The following DOCK7 variants were observed in gnomAD, a reference collection of about 807,000 sequenced individuals.
DOCK7 encodes dedicator of cytokinesis protein 7.
A neutral mutation model predicts 271.0 loss-of-function variants in DOCK7; 138 were observed. The observed-to-expected ratio is 0.51, with a 90% CI of 0.44 to 0.59. The LOEUF (loss-of-function observed/expected upper bound fraction) is 0.59, where lower values mean the gene tolerates loss of function less well. DOCK7 is among the 20% of genes least tolerant of loss of function. DOCK7 has a pLI of 0.00. For missense variants in DOCK7, 2,066 were observed against 2,592.4 expected, an observed-to-expected ratio of 0.80 and a Z score of 4.41; for synonymous variants, 823 against 876.1, an observed-to-expected ratio of 0.94 and a Z score of 1.07.
At chr1:62,538,341 C>T (rs535054501) in intron 27 of DOCK7, among the ~76,000 whole-genome samples, 123 of 152,208 alleles carry the variant, frequency 8.1e-4, no homozygotes, top group African/African-American at 2.8e-3. Context: ...ACAGGGAAAA[C>T]GTATATCACC....
At chr1:62,497,821 TA>T (rs1023392886) in intron 37 of DOCK7, among the ~76,000 whole-genome samples, 4 of 152,272 alleles carry the variant, frequency 2.6e-5, no homozygotes, top group African/African-American at 9.6e-5. Flanking sequence ...AGGATAAAAT[TA>T]AAGAATTCAA....
intron 1 of DOCK7, among the ~76,000 whole-genome samples, chr1:62,684,741 A>G (rs1269905373): frequency 6.6e-6 from 1 of 152,338 alleles, no homozygotes; most frequent in Admixed American, 6.5e-5. Context: ...AAGGGGACAC[A>G]CATGTACAAA....
At chr1:62,471,549 A>G (rs1348005575) in intron 48 of DOCK7, among the ~76,000 whole-genome samples, 1 of 152,114 alleles carries the variant, frequency 6.6e-6, no homozygotes, top group East Asian at 1.9e-4. Context: ...TGCACACCAT[A>G]AGGCTGAGAC....
chr1:62,589,218 C>T (rs1169278975), intron 14 of DOCK7, among the ~76,000 whole-genome samples: 1 of 152,112 alleles, frequency 6.6e-6, no homozygotes, highest in Non-Finnish European at 1.5e-5. Flanking sequence ...CATTACCTGC[C>T]AGTTTGCAAA....
Position 62,577,364 on chromosome 1 carries a change from C to A in DOCK7, c.2011-1G>T. The A allele has an allele frequency of 6.5e-7, 1 of 1,548,846 alleles. No individual in the cohort carries two copies. The highest frequency in any genetic ancestry group is 8.8e-7 in the Non-Finnish European group (1 of 1,141,132). On this transcript the variant is annotated splice_acceptor_variant, in intron 17 of 49. Transcript: ENST00000635253. LOFTEE classifies it high-confidence loss of function. The stretch of plus-strand genomic sequence containing the variant: ...GTCCATTCTGAAGCATTGGTATCCA[C>A]TTTTAAATGAAAAGAAAACAATTTT...
At chr1:62,534,270 G>C (rs1645269536) in intron 29 of DOCK7, among the ~76,000 whole-genome samples, 1 of 151,864 alleles carries the variant, frequency 6.6e-6, no homozygotes, top group Admixed American at 6.6e-5. Flanking sequence ...AAAGTGCTGG[G>C]ATTACAGGTG....
At chr1:62,611,776 GA>G (rs556755376) in intron 14 of DOCK7, among the ~76,000 whole-genome samples, 13 of 150,094 alleles carry the variant, frequency 8.7e-5, no homozygotes, top group South Asian at 2.1e-4. Flanking sequence ...AACTACTCAA[GA>G]AAAAAAAACT....
At position 62,545,032 on chromosome 1, in the gene DOCK7, T is replaced by C. The variant is rs1034142392; in HGVS notation, c.2774A>G (p.Asp925Gly). The C allele has an allele frequency of 1.9e-6, 3 of 1,549,388 alleles. No individual in the cohort carries two copies. Among genetic ancestry groups the C allele is most frequent in the Admixed American group, 2.0e-5 (1 of 50,966 alleles). Residue 925 changes from aspartate to glycine, a missense_variant, in exon 23 of 50, where the codon GAT becomes GGT. This residue lies in a region of DOCK7 where 1,414 missense variants were observed against 1,670.4 expected (regional missense o/e 0.85). Coordinates refer to ENST00000635253, the MANE Select transcript of DOCK7 (RefSeq NM_001367561.1). ...VRSIIGSKGLDRSNSWVNTGG... is the reference protein window; with the variant it reads ...VRSIIGSKGLGRSNSWVNTGG... The stretch of plus-strand genomic sequence containing the variant: ...AGTGTTAACCCAGGAATTGGAGCGA[T>C]CTAAACCCTAAGCATATAATAGAAA...
rs533999920 is a variant in DOCK7, at chr1:62,558,947, G to A, written c.2431+42C>T. ...TTTTAACAAAATTTAGAAATGTCAA[G>A]TTATAAATTTCACGTCTCATCCCCA... On this transcript the variant is annotated intron_variant, in intron 20 of 49. Transcript: ENST00000635253. 3 of 1,449,524 alleles carry A rather than the reference G, an allele frequency of 2.1e-6. No homozygotes were observed. The South Asian group carries it at 3.7e-5, about 18-fold the overall frequency. 89.8% of individuals were successfully genotyped at this position (1,449,524 alleles called of 1,614,324 possible). A position where few individuals can be genotyped will look rare whatever the true frequency, so the allele number is the denominator to read the frequency against.
intron 31 of DOCK7, among the ~76,000 whole-genome samples, chr1:62,520,463 A>T (rs1644812794): frequency 1.1e-5 from 1 of 87,048 alleles, no homozygotes; most frequent in African/African-American, 4.9e-5. Flanking sequence ...TTCTCAAAAG[A>T]AGACATTTAT....
intron 2 of DOCK7, among the ~76,000 whole-genome samples, chr1:62,656,658 G>T (rs1658048842): frequency 6.6e-6 from 1 of 151,984 alleles, no homozygotes; most frequent in Non-Finnish European, 1.5e-5. Flanking sequence ...AGAGAAAAAG[G>T]CTGGCCGGCA....
intron 48 of DOCK7, among the ~76,000 whole-genome samples, chr1:62,464,778 T>C (rs1367986930): frequency 6.6e-6 from 1 of 152,176 alleles, no homozygotes; most frequent in Non-Finnish European, 1.5e-5. Flanking sequence ...CTGTTGGCAC[T>C]GTTAATACAG....
chr1:62,510,500 G>C (rs1301477722), intron 34 of DOCK7, 77 bp downstream of exon 34: 1 of 1,066,464 alleles, frequency 9.4e-7, no homozygotes, highest in Admixed American at 2.2e-5. Context: ...TAAATATAAA[G>C]TAAAAGTTAT....
At chr1:62,631,636 G>A (rs556776207) in intron 10 of DOCK7, among the ~76,000 whole-genome samples, 2 of 152,304 alleles carry the variant, frequency 1.3e-5, no homozygotes, top group East Asian at 3.9e-4. Flanking sequence ...TTCTATTTGT[G>A]ATTATGTTAT....
intron 15 of DOCK7, chr1:62,584,281 A>T: frequency 1.0e-6 from 1 of 974,444 alleles, no homozygotes; most frequent in Non-Finnish European, 1.2e-6. Context: ...ATATTATTTC[A>T]TCAATTTACA....
Position 62,535,518 on chromosome 1 carries a change from C to A in DOCK7, c.3586G>T (p.Val1196Phe). The change falls in exon 29 of 50, where the codon GTC becomes TTC. Residue 1196 changes from valine to phenylalanine, a missense_variant. This residue lies in a region of DOCK7 where 1,414 missense variants were observed against 1,670.4 expected (regional missense o/e 0.85). Coordinates refer to ENST00000635253, the MANE Select transcript of DOCK7 (RefSeq NM_001367561.1). ...CCTTCAGCATCAGGGTCTAAAATGA[C>A]AGCCAGCTCTGTTAACACAAGTCCT... is the stretch of plus-strand genomic sequence containing the variant. ...LAGLVLTELA[V>F]ILDPDAEGLF... 1.2e-6 allele frequency: 2 copies of A among 1,613,886 alleles called. No individual in the cohort carries two copies. Among genetic ancestry groups the A allele is most frequent in the Non-Finnish European group, 1.7e-6 (2 of 1,179,920 alleles).
chr1:62,513,330 A>G, intron 33 of DOCK7, 114 bp downstream of exon 33: 2 of 919,062 alleles, frequency 2.2e-6, no homozygotes, highest in Non-Finnish European at 2.8e-6. Context: ...TGATTATTCA[A>G]GTTAATTCAC....
intron 41 of DOCK7, among the ~76,000 whole-genome samples, chr1:62,490,148 A>G (rs947728093): frequency 6.7e-6 from 1 of 148,800 alleles, no homozygotes; most frequent in African/African-American, 2.5e-5. Context: ...ATAGCTCACT[A>G]CAGCCTTGAA....
chr1:62,460,634 CACACA>C (rs1645496051), intron 48 of DOCK7, among the ~76,000 whole-genome samples: 3 of 149,906 alleles, frequency 2.0e-5, no homozygotes, highest in Admixed American at 1.3e-4. Context: ...CACACACACA[CACACA>C]CCCTCCAAGT....
Sources: allele counts gnomAD v4.1 joint callset (sites outside exome capture counted in the v4.1 genomes callset), GRCh38; gene constraint gnomAD v4.1.1; regional missense constraint gnomAD v4.1.1; transcripts MANE v1.5; gene names NCBI Gene and HGNC (gene_info 2026-07-23, HGNC 2026-07-21).